The following ENOX2 variants were observed in gnomAD, a reference collection of about 807,000 sequenced individuals.
ENOX2 encodes the protein ecto-NOX disulfide-thiol exchanger 2, also known as APK1 antigen.
In ENOX2, 36 loss-of-function variants were observed where a neutral mutation model predicts 45.0. The ratio of observed to expected loss-of-function variants is 0.80; its 90% CI spans 0.61 to 1.06. ENOX2 has a LOEUF of 1.06. ENOX2 is among the 50% of genes least tolerant of loss of function. The probability of loss-of-function intolerance (pLI) is 0.00; values close to 1 mark genes in which losing one functional copy is unlikely to be tolerated. For missense variants in ENOX2, 423 were observed against 462.5 expected (o/e 0.91, Z 0.78); for synonymous variants, 174 against 152.3 (o/e 1.14, Z -1.05).
At chrX:130,632,785 G>C (rs1167285255) in intron 12 of ENOX2, among the ~76,000 whole-genome samples, 1 of 112,110 alleles carries the variant, frequency 8.9e-6, no homozygotes, top group Non-Finnish European at 1.9e-5. Flanking sequence ...TGTAGTCAGA[G>C]GGGAACCCTT....
At chrX:130,901,855 C>T (rs1391655050) in intron 1 of ENOX2, 124 bp from the exon 2 acceptor site, 1 of 112,072 alleles carries the variant, frequency 8.9e-6, no homozygotes, top group Non-Finnish European at 1.9e-5. Context: ...AGCTTCTCCA[C>T]CCTATTTATT....
chrX:130,708,578 T>A (rs1052891909), intron 3 of ENOX2, among the ~76,000 whole-genome samples: 1 of 112,495 alleles, frequency 8.9e-6, no homozygotes, highest in African/African-American at 3.2e-5. Flanking sequence ...TACTACATTA[T>A]ATTTTTCTGA....
intron 9 of ENOX2, among the ~76,000 whole-genome samples, chrX:130,662,367 A>C (rs1250442883): frequency 8.9e-6 from 1 of 112,361 alleles, no homozygotes; most frequent in African/African-American, 3.2e-5. Flanking sequence ...TGGTAGAAGG[A>C]TGACAATGAG....
rs1024322095 is a variant in ENOX2 at position 130,820,742 on chromosome X, T to C, written c.-182-37052A>G. 2.7e-5 allele frequency among the ~76,000 whole-genome samples: 3 copies of C among 112,359 alleles called. No individual in the cohort carries two copies. In the Admixed American group the frequency reaches 2.8e-4, roughly 11 times the overall value. On this transcript the variant is annotated intron_variant, in intron 2 of 14. Coordinates refer to ENST00000394363, the MANE Select transcript of ENOX2 (RefSeq NM_006375.4). Reference sequence around the variant, plus strand: ...CAAATACCACATGATCTCACTTATATGTGGAATCTACAAAAATTAAACTCA... The same window carrying C: ...CAAATACCACATGATCTCACTTATACGTGGAATCTACAAAAATTAAACTCA...
chrX:130,638,799 A>C (rs1374558001), intron 10 of ENOX2, among the ~76,000 whole-genome samples: 1 of 111,366 alleles, frequency 9.0e-6, no homozygotes, highest in Non-Finnish European at 1.9e-5. Context: ...GGTGTAATTA[A>C]CAAATTGCTG....
intron 2 of ENOX2, among the ~76,000 whole-genome samples, chrX:130,876,979 A>G (rs1228453149): frequency 1.8e-5 from 2 of 112,124 alleles, no homozygotes; most frequent in Non-Finnish European, 3.8e-5. Context: ...GGAATAGATT[A>G]TGTATGAAAG....
At chrX:130,897,498 T>C (rs2079077196) in intron 2 of ENOX2, among the ~76,000 whole-genome samples, 1 of 112,504 alleles carries the variant, frequency 8.9e-6, no homozygotes, top group Admixed American at 9.4e-5. Context: ...CTTCTCGCTT[T>C]GATGTATTTA....
At position 130,783,535 on chromosome X, in the gene ENOX2, C is replaced by A; in HGVS notation, c.-39+12G>T. Reference sequence around the variant, plus strand: ...GTACTGGCTTAAGACAGTGCATTATCACCTAGCTTACCTGAAGGAGTATTT... The same window carrying A: ...GTACTGGCTTAAGACAGTGCATTATAACCTAGCTTACCTGAAGGAGTATTT... On this transcript the variant is annotated intron_variant, in intron 3 of 14. Coordinates refer to ENST00000394363, the MANE Select transcript of ENOX2 (RefSeq NM_006375.4). 1 of 329,785 alleles carries A rather than the reference C, an allele frequency of 3.0e-6. No homozygotes were observed. The allele number at this position is 329,785 out of a possible 1,213,427, so 27.2% of individuals were successfully genotyped here. A position where few individuals can be genotyped will look rare whatever the true frequency, so the allele number is the denominator to read the frequency against.
At chrX:130,790,499 T>C (rs1359308261) in intron 2 of ENOX2, among the ~76,000 whole-genome samples, 1 of 112,385 alleles carries the variant, frequency 8.9e-6, no homozygotes, top group African/African-American at 3.2e-5. Flanking sequence ...CTTGTAAAAA[T>C]GCAGATTCTA....
intron 2 of ENOX2, among the ~76,000 whole-genome samples, chrX:130,879,737 C>T (rs1471042181): frequency 1.8e-5 from 2 of 111,837 alleles, no homozygotes; most frequent in Non-Finnish European, 1.9e-5. Flanking sequence ...ACCTTTAAAA[C>T]ATATTTCCCT....
At chrX:130,626,204 G>A (rs147868561) in intron 14 of ENOX2, among the ~76,000 whole-genome samples, 218 of 111,712 alleles carry the variant, frequency 2.0e-3, no homozygotes, top group African/African-American at 6.6e-3. Flanking sequence ...GCACTACTCC[G>A]GCAGGAAGTT....
At position 130,692,821 on chromosome X, in the gene ENOX2, C is replaced by T. The variant is rs371057140; in HGVS notation, c.98-3803G>A. Reference sequence around the variant, plus strand: ...GTCAGGCTGGTCTCAAACTTCTGACCTCAAGTGATCCACTTGCCTTGGCCT... The same window carrying T: ...GTCAGGCTGGTCTCAAACTTCTGACTTCAAGTGATCCACTTGCCTTGGCCT... On this transcript the variant is annotated intron_variant, in intron 4 of 14. Coordinates refer to ENST00000394363, the MANE Select transcript of ENOX2 (RefSeq NM_006375.4). Among the ~76,000 whole-genome samples, 27 of 109,026 alleles carry T rather than the reference C, an allele frequency of 2.5e-4. No individual in the cohort carries two copies. The East Asian group carries it at 4.3e-3, about 17-fold the overall frequency. 94.7% of individuals were successfully genotyped at this position (109,026 alleles called of 115,157 possible).
chrX:130,692,126 G>A (rs1158931720), intron 4 of ENOX2, among the ~76,000 whole-genome samples: 1 of 112,993 alleles, frequency 8.9e-6, no homozygotes, highest in Non-Finnish European at 1.9e-5. Context: ...CTTCTATCAC[G>A]TTGATTATTT....
intron 2 of ENOX2, among the ~76,000 whole-genome samples, chrX:130,787,230 A>G (rs1227410932): frequency 8.9e-6 from 1 of 112,236 alleles, no homozygotes; most frequent in East Asian, 2.8e-4. Context: ...TTACAGAATA[A>G]CATATTAGTC....
At chrX:130,855,887 A>G (rs957482888) in intron 2 of ENOX2, among the ~76,000 whole-genome samples, 1 of 111,919 alleles carries the variant, frequency 8.9e-6, no homozygotes, top group Non-Finnish European at 1.9e-5. Flanking sequence ...TAAAAATATA[A>G]CCAATTAGAA....
At position 130,879,352 on chromosome X, in the gene ENOX2, A is replaced by T. The variant is rs934991482; in HGVS notation, c.-183+22332T>A. ...CTAGCACAGGAAGTGTTTTCTTTAC[A>T]TTCTCCCATTTTACGCAGATCTGGG... On this transcript the variant is annotated intron_variant, in intron 2 of 14. Coordinates refer to ENST00000394363, the MANE Select transcript of ENOX2 (RefSeq NM_006375.4). Among the ~76,000 whole-genome samples, 3 of 111,420 alleles carry T rather than the reference A, an allele frequency of 2.7e-5. No homozygotes were observed. In the East Asian group the frequency reaches 8.5e-4, roughly 32 times the overall value.
At chrX:130,863,229 G>T (rs1314578616) in intron 2 of ENOX2, among the ~76,000 whole-genome samples, 1 of 112,410 alleles carries the variant, frequency 8.9e-6, no homozygotes, top group Non-Finnish European at 1.9e-5. Context: ...GACTCAGAAT[G>T]TTAAAGCTAG....
intron 2 of ENOX2, among the ~76,000 whole-genome samples, chrX:130,899,018 AGAAG>A (rs1412072716): frequency 9.0e-6 from 1 of 111,128 alleles, no homozygotes; most frequent in African/African-American, 3.3e-5. Flanking sequence ...TTGGGTGGGT[AGAAG>A]GAAGGATGTT....
At chrX:130,863,497 G>C (rs938905959) in intron 2 of ENOX2, among the ~76,000 whole-genome samples, 2 of 112,211 alleles carry the variant, frequency 1.8e-5, no homozygotes, top group African/African-American at 6.5e-5. Context: ...CTTACTCTCT[G>C]TAGACAAGAC....
Sources: allele counts gnomAD v4.1 joint callset (sites outside exome capture counted in the v4.1 genomes callset), GRCh38; gene constraint gnomAD v4.1.1; transcripts MANE v1.5; gene names NCBI Gene and HGNC (gene_info 2026-07-23, HGNC 2026-07-21).